F3: variants seen among roughly 807,000 people sequenced by gnomAD.
F3 encodes the protein coagulation factor III, tissue factor, also known as tissue factor.
A neutral mutation model predicts 33.5 loss-of-function variants in F3; 18 were observed. The observed-to-expected ratio is 0.54, with a 90% CI of 0.37 to 0.80. The LOEUF (loss-of-function observed/expected upper bound fraction) is 0.80. F3 is among the 30% of genes least tolerant of loss of function. F3 has a pLI of 0.00. For synonymous variants in F3, 147 were observed against 140.7 expected, an observed-to-expected ratio of 1.05 and a Z score of -0.32; for missense variants, 353 against 362.1, an observed-to-expected ratio of 0.97 and a Z score of 0.20.
At chr1:94,531,554 G>T (rs1246199282) in intron 5 of F3, among the ~76,000 whole-genome samples, 1 of 152,086 alleles carries the variant, frequency 6.6e-6, no homozygotes. Flanking sequence ...TGCCTGTCTG[G>T]GCCTCCCAAA....
chr1:94,541,385 A>C, intron 1 of F3, 152 bp downstream of exon 1: 1 of 576,348 alleles, frequency 1.7e-6, no homozygotes, highest in Non-Finnish European at 2.7e-6. Context: ...CGGTTCATTC[A>C]AGCCGGGCTG....
chr1:94,540,468 C>T, intron 1 of F3, 100 bp from the exon 2 acceptor site: 1 of 660,728 alleles, frequency 1.5e-6, no homozygotes, highest in Non-Finnish European at 2.5e-6. Context: ...CCATAAACCT[C>T]ACTTTTTATT....
chr1:94,534,114 G>A (rs1173367146), intron 3 of F3, among the ~76,000 whole-genome samples: 21 of 152,108 alleles, frequency 1.4e-4, no homozygotes, highest in South Asian at 2.1e-4. Context: ...TGATCCACCC[G>A]CCTTAGCATC....
In F3 at chr1:94,535,305, C is replaced by T. The variant is rs548459892; in HGVS notation, c.412+660G>A. ...TTGCGGCAAAAGAATAAATCTCCTA[C>T]TTGACAGGAATTCTCTTCATTCTTT... On this transcript the variant is annotated intron_variant, in intron 3 of 5. Coordinates refer to ENST00000334047, the MANE Select transcript of F3 (RefSeq NM_001993.5). Among the ~76,000 whole-genome samples the T allele has an allele frequency of 2.0e-5, 3 of 152,274 alleles. No homozygotes were observed. The East Asian group carries it at 5.8e-4, about 29-fold the overall frequency.
At chr1:94,533,560 A>T (rs1210716988) in intron 3 of F3, among the ~76,000 whole-genome samples, 1 of 152,182 alleles carries the variant, frequency 6.6e-6, no homozygotes, top group East Asian at 1.9e-4. Flanking sequence ...AATATATTTT[A>T]TTTAACCAAA....
At chr1:94,537,833 GTTTTA>G (rs1347215922) in intron 2 of F3, among the ~76,000 whole-genome samples, 1 of 152,142 alleles carries the variant, frequency 6.6e-6, no homozygotes, top group African/African-American at 2.4e-5. Context: ...ACCAAAATGT[GTTTTA>G]TTTTATCATT....
rs1651589868 is a variant in F3, at chr1:94,535,968, C to G, written c.409G>C (p.Glu137Gln). 6.2e-7 allele frequency: 1 copy of G among 1,614,006 alleles called. No individual in the cohort carries two copies. The highest frequency in any genetic ancestry group is 1.3e-5 in the African/African-American group (1 of 74,930). The change falls in exon 3 of 6, where the codon GAG becomes CAG. Residue 137 changes from glutamate (E) to glutamine (Q), a missense_variant. Physicochemically the swap from Glu to Gln is conservative, Grantham distance 29 (BLOSUM62 2). Transcript: ENST00000334047. ...ENSPEFTPYL[E>Q]TNLGQPTIQS... Reference sequence around the variant, plus strand: ...TATTACAGCCCAAGCCACTTACTCTCCAGGTAAGGTGTGAACTCTGGGGAG... The same window carrying G: ...TATTACAGCCCAAGCCACTTACTCTGCAGGTAAGGTGTGAACTCTGGGGAG...
At chr1:94,536,784 C>T (rs1177999557) in intron 2 of F3, among the ~76,000 whole-genome samples, 1 of 152,124 alleles carries the variant, frequency 6.6e-6, no homozygotes, top group Non-Finnish European at 1.5e-5. Flanking sequence ...AGAATAGAGT[C>T]TATATAGTGA....
At chr1:94,534,088 A>T (rs1449126872) in intron 3 of F3, among the ~76,000 whole-genome samples, 1 of 152,044 alleles carries the variant, frequency 6.6e-6, no homozygotes. Flanking sequence ...GCTGGTCTTG[A>T]ACTCCTGACC....
Position 94,530,708 on chromosome 1 carries a change from C to G in F3, c.752-112G>C. 3 of 1,246,740 alleles carry G rather than the reference C, an allele frequency of 2.4e-6. No individual in the cohort carries two copies. The South Asian group carries it at 4.2e-5, about 18-fold the overall frequency. 77.2% of individuals were successfully genotyped at this position (1,246,740 alleles called of 1,614,324 possible). ...ACCATCCTATTTTTGTGCAATTTGACTTTCTTTCACTCTTTCCACCACACT... is the reference window on the plus strand; with the variant it reads ...ACCATCCTATTTTTGTGCAATTTGAGTTTCTTTCACTCTTTCCACCACACT... On this transcript the variant is annotated intron_variant, in intron 5 of 5. Coordinates refer to ENST00000334047, the MANE Select transcript of F3 (RefSeq NM_001993.5).
intron 2 of F3, among the ~76,000 whole-genome samples, chr1:94,536,372 C>A (rs2101092175): frequency 6.6e-6 from 1 of 152,158 alleles, no homozygotes; most frequent in Non-Finnish European, 1.5e-5. Context: ...CAGGCTGATC[C>A]TTCTGCTTCG....
chr1:94,534,588 G>A (rs1651540183), intron 3 of F3, among the ~76,000 whole-genome samples: 1 of 152,144 alleles, frequency 6.6e-6, no homozygotes, highest in Non-Finnish European at 1.5e-5. Context: ...CAGGGTGGTA[G>A]CATAAACTAC....
rs756369413 is a variant in F3, at chr1:94,533,299, C to T, written c.413-31G>A. On this transcript the variant is annotated intron_variant, in intron 3 of 5. Coordinates refer to ENST00000334047, the MANE Select transcript of F3 (RefSeq NM_001993.5). ...ACAAAGGAAATGAGCTTGGTTGGAA[C>T]CAAAGAATTCTGTACAAAGTCAAAT... The T allele has an allele frequency of 3.1e-6, 5 of 1,591,020 alleles. No homozygotes were observed. The African/African-American group carries it at 6.8e-5, about 22-fold the overall frequency.
At chr1:94,531,538 G>C (rs1651426473) in intron 5 of F3, among the ~76,000 whole-genome samples, 1 of 152,154 alleles carries the variant, frequency 6.6e-6, no homozygotes, top group Non-Finnish European at 1.5e-5. Context: ...CTGACCTCAA[G>C]TGATTTGCCT....
intron 2 of F3, 103 bp downstream of exon 2, chr1:94,540,154 T>C (rs1460225336): frequency 2.5e-6 from 2 of 795,832 alleles, no homozygotes; most frequent in African/African-American, 3.5e-5. Flanking sequence ...TCGTCATCTG[T>C]TAAATAATTT....
At chr1:94,539,878 T>TA (rs1414958765) in intron 2 of F3, among the ~76,000 whole-genome samples, 1 of 152,318 alleles carries the variant, frequency 6.6e-6, no homozygotes, top group East Asian at 1.9e-4. Flanking sequence ...CCTAAGGTGT[T>TA]AGACATTGTT....
Position 94,530,361 on chromosome 1 carries a change from C to T in F3, c.*99G>A. ...TTTTTTGAACTCCAGGGTCTTCATG[C>T]TCCGAAATACTCATTTGCGTTTCCA... On this transcript the variant is annotated 3_prime_UTR_variant, in exon 6 of 6. Coordinates refer to ENST00000334047, the MANE Select transcript of F3 (RefSeq NM_001993.5). The T allele has an allele frequency of 6.7e-7, 1 of 1,490,284 alleles. No individual in the cohort carries two copies. Among genetic ancestry groups the T allele is most frequent in the Non-Finnish European group, 9.1e-7 (1 of 1,096,174 alleles). The allele number at this position is 1,490,284 out of a possible 1,614,324, so 92.3% of individuals were successfully genotyped here.
At chr1:94,530,924 A>C (rs578114815) in intron 5 of F3, among the ~76,000 whole-genome samples, 1 of 152,342 alleles carries the variant, frequency 6.6e-6, no homozygotes, top group South Asian at 2.1e-4. Flanking sequence ...TTATAACGGA[A>C]GGTGAACCCT....
chr1:94,536,304 G>A, intron 2 of F3, 140 bp from the exon 3 acceptor site: 2 of 740,100 alleles, frequency 2.7e-6, no homozygotes, highest in East Asian at 2.6e-5. Flanking sequence ...TCACTGTGCT[G>A]AGCACTTTGC....
Sources: gnomAD v4.1 joint callset for allele counts (sites outside exome capture counted in the v4.1 genomes callset) on GRCh38, gnomAD v4.1.1 for gene constraint, MANE v1.5 for transcripts, NCBI Gene and HGNC (gene_info 2026-07-23, HGNC 2026-07-21) for gene names.